Variants in DCAF17 observed in about 807,000 individuals in gnomAD.
The protein encoded by DCAF17 is DDB1 and CUL4 associated factor 17.
DCAF17 carries 48 observed loss-of-function variants against 66.0 expected under a neutral mutation model. The ratio of observed to expected loss-of-function variants is 0.73; its 90% CI spans 0.58 to 0.92. DCAF17 has a LOEUF of 0.92. DCAF17 is among the 40% of genes least tolerant of loss of function. The pLI is 0.00. For synonymous variants in DCAF17, 206 were observed against 214.6 expected (o/e 0.96, Z 0.35); for missense variants, 562 against 622.8 (o/e 0.90, Z 1.04).
At chr2:171,476,981 A>G in intron 11 of DCAF17, 31 bp downstream of exon 11, 3 of 1,497,766 alleles carry the variant, frequency 2.0e-6, no homozygotes, top group South Asian at 1.1e-5. Flanking sequence ...AATCCTTTAT[A>G]TATCATTGTC....
At chr2:171,474,019 G>A (rs749808092) in intron 10 of DCAF17, 44 bp downstream of exon 10, 5 of 1,523,762 alleles carry the variant, frequency 3.3e-6, no homozygotes, top group Non-Finnish European at 4.5e-6. Flanking sequence ...GCAGCTTTTG[G>A]TAGCATTTAT....
chr2:171,477,313 T>A (rs1045528284), intron 11 of DCAF17, among the ~76,000 whole-genome samples: 2 of 152,244 alleles, frequency 1.3e-5, no homozygotes, highest in Non-Finnish European at 2.9e-5. Context: ...ATGGTACTTT[T>A]CTTTTAGTGT....
At chr2:171,476,121 G>A (rs1244225260) in intron 10 of DCAF17, among the ~76,000 whole-genome samples, 1 of 151,762 alleles carries the variant, frequency 6.6e-6, no homozygotes, top group Non-Finnish European at 1.5e-5. Flanking sequence ...AGCACTCTCT[G>A]GACACATAGC....
intron 10 of DCAF17, 95 bp downstream of exon 10, chr2:171,474,070 A>G (rs1696386616): frequency 4.1e-6 from 4 of 969,426 alleles, no homozygotes; most frequent in East Asian, 2.6e-5. Context: ...GAGCCAATTA[A>G]TGGAAATAAT....
chr2:171,458,184 T>C, intron 7 of DCAF17, 109 bp downstream of exon 7: 1 of 1,175,780 alleles, frequency 8.5e-7, no homozygotes, highest in Non-Finnish European at 1.3e-6. Context: ...CTGTAGATTT[T>C]GGCTCTAAAA....
chr2:171,471,092 C>T (rs993088674), intron 9 of DCAF17, among the ~76,000 whole-genome samples: 1 of 152,192 alleles, frequency 6.6e-6, no homozygotes, highest in Admixed American at 6.5e-5. Context: ...GCATGCTTGT[C>T]ACATACTCTC....
rs73976167 is a variant in DCAF17 at position 171,480,951 on chromosome 2, C to G, written c.1423-23C>G. ...GAATATGGCTGTGTGAAAAGGACTC[C>G]ATATGATTGTGTTTTGTTACAGACA... On this transcript the variant is annotated intron_variant, in intron 13 of 13. Coordinates refer to ENST00000375255, the MANE Select transcript of DCAF17 (RefSeq NM_025000.4). 2.2e-3 allele frequency: 3,503 copies of G among 1,613,296 alleles called. 69 individuals carry two copies. In the African/African-American group the frequency reaches 0.04, roughly 18 times the overall value.
chr2:171,445,833 C>A (rs1009214577), intron 3 of DCAF17, among the ~76,000 whole-genome samples: 1 of 151,956 alleles, frequency 6.6e-6, no homozygotes, highest in Admixed American at 6.6e-5. Context: ...CAGGTGTGCA[C>A]CAACAAACCC....
At chr2:171,452,881 T>C (rs1244528729) in intron 5 of DCAF17, among the ~76,000 whole-genome samples, 2 of 152,248 alleles carry the variant, frequency 1.3e-5, no homozygotes, top group Non-Finnish European at 2.9e-5. Flanking sequence ...TGTTTACTTT[T>C]ATGGATTTTT....
At chr2:171,464,924 G>A (rs1034172668) in intron 8 of DCAF17, among the ~76,000 whole-genome samples, 21 of 152,006 alleles carry the variant, frequency 1.4e-4, no homozygotes, top group Non-Finnish European at 2.4e-4. Flanking sequence ...GGCCAGGTGC[G>A]GTGGCTCACA....
chr2:171,436,744 C>T (rs1693991644), intron 2 of DCAF17, among the ~76,000 whole-genome samples: 3 of 143,600 alleles, frequency 2.1e-5, no homozygotes, highest in Non-Finnish European at 1.5e-5. Flanking sequence ...TTTTACTTTC[C>T]TGATGTTATT....
chr2:171,439,283 C>T (rs957715342), intron 2 of DCAF17, among the ~76,000 whole-genome samples: 2 of 151,804 alleles, frequency 1.3e-5, no homozygotes, highest in Non-Finnish European at 2.9e-5. Context: ...CTGGTATTCC[C>T]ATTATGTGGA....
At chr2:171,464,356 T>A (rs1374824196) in intron 8 of DCAF17, among the ~76,000 whole-genome samples, 1 of 152,204 alleles carries the variant, frequency 6.6e-6, no homozygotes. Flanking sequence ...GAATCCTTTC[T>A]TACCCCTTCT....
intron 5 of DCAF17, among the ~76,000 whole-genome samples, chr2:171,451,647 C>G (rs574039636): frequency 3.3e-5 from 5 of 152,230 alleles, no homozygotes; most frequent in Admixed American, 3.3e-4. Flanking sequence ...GAGCTCTCAG[C>G]TCACTGCATC....
chr2:171,459,266 C>G (rs984946480), intron 8 of DCAF17, among the ~76,000 whole-genome samples: 4 of 152,090 alleles, frequency 2.6e-5, no homozygotes, highest in Admixed American at 6.5e-5. Context: ...GAGCCAAGAT[C>G]ATGCCATTGC....
chr2:171,460,226 G>A (rs1300608556), intron 8 of DCAF17, among the ~76,000 whole-genome samples: 1 of 151,760 alleles, frequency 6.6e-6, no homozygotes, highest in Non-Finnish European at 1.5e-5. Context: ...GGGAGGCTGA[G>A]GCAGGAGAAT....
intron 3 of DCAF17, among the ~76,000 whole-genome samples, chr2:171,444,750 G>A (rs1266835689): frequency 1.3e-5 from 2 of 152,132 alleles, no homozygotes; most frequent in Admixed American, 6.5e-5. Flanking sequence ...TAGGAAAAAC[G>A]GAACTCATAA....
At chr2:171,434,733 A>G (rs1693712140) in intron 1 of DCAF17, 30 bp downstream of exon 1, 36 of 1,404,322 alleles carry the variant, frequency 2.6e-5, no homozygotes, top group Non-Finnish European at 3.2e-5. Context: ...GGCGGGACGG[A>G]GGGCCGCGGG....
chr2:171,455,820 A>C (rs1014897041), intron 6 of DCAF17, among the ~76,000 whole-genome samples: 1 of 151,676 alleles, frequency 6.6e-6, no homozygotes, highest in Non-Finnish European at 1.5e-5. Flanking sequence ...ATCTTTTTAG[A>C]AGTATCTGTT....
Sources: gnomAD v4.1 joint callset for allele counts (sites outside exome capture counted in the v4.1 genomes callset) on GRCh38, gnomAD v4.1.1 for gene constraint, MANE v1.5 for transcripts, NCBI Gene and HGNC (gene_info 2026-07-23, HGNC 2026-07-21) for gene names.